Variants in PALM2AKAP2 observed in about 807,000 individuals in gnomAD.
PALM2AKAP2 encodes the protein PALM2 and AKAP2 fusion, also known as PALM2-AKAP2 fusion protein.
PALM2AKAP2 carries 37 observed loss-of-function variants against 71.5 expected under a neutral mutation model. The observed-to-expected ratio is 0.52, with a 90% CI of 0.40 to 0.68. PALM2AKAP2 has a LOEUF of 0.68. PALM2AKAP2 is among the 30% of genes least tolerant of loss of function. The pLI is 0.00. For synonymous variants in PALM2AKAP2, 468 were observed against 478.8 expected (o/e 0.98, Z 0.29); for missense variants, 1,224 against 1,191.8 (o/e 1.03, Z -0.40).
intron 1 of PALM2AKAP2, among the ~76,000 whole-genome samples, chr9:109,789,824 T>A (rs1827063694): frequency 6.6e-6 from 1 of 152,190 alleles, no homozygotes; most frequent in South Asian, 2.1e-4. Context: ...TGCCCTTGGT[T>A]AATTATTATC....
rs139332663 is a variant in PALM2AKAP2 at position 109,767,064 on chromosome 9, G to A, written c.6-13424G>A. On this transcript the variant is annotated intron_variant, in intron 1 of 6. Coordinates refer to the PALM2AKAP2 transcript ENST00000374531. The stretch of plus-strand genomic sequence containing the variant: ...CCCTCAAAACACCGATATGAGTTAG[G>A]CACTATTAATTTCATTTTCTGATTG... 3.0e-4 allele frequency among the ~76,000 whole-genome samples: 46 copies of A among 152,310 alleles called. 1 individual carries two copies. The East Asian group carries it at 8.1e-3, about 27-fold the overall frequency.
intron 1 of PALM2AKAP2, among the ~76,000 whole-genome samples, chr9:109,768,484 A>C (rs907609148): frequency 1.3e-5 from 2 of 152,230 alleles, no homozygotes; most frequent in African/African-American, 4.8e-5. Context: ...CCAGCACCTC[A>C]AGCTTTTATG....
intron 3 of PALM2AKAP2, among the ~76,000 whole-genome samples, chr9:109,886,379 C>G (rs1829967452): frequency 6.6e-6 from 1 of 152,330 alleles, no homozygotes; most frequent in Non-Finnish European, 1.5e-5. Flanking sequence ...TACCTTGTCA[C>G]TTTCCCACTT....
chr9:109,693,474 T>C (rs1156262909), intron 1 of PALM2AKAP2, among the ~76,000 whole-genome samples: 3 of 151,964 alleles, frequency 2.0e-5, no homozygotes, highest in African/African-American at 7.2e-5. Context: ...TCTTTATTAC[T>C]TCCTTTCTTC....
intron 3 of PALM2AKAP2, among the ~76,000 whole-genome samples, chr9:109,885,228 G>A (rs1336302442): frequency 6.6e-6 from 1 of 152,186 alleles, no homozygotes; most frequent in Non-Finnish European, 1.5e-5. Flanking sequence ...GTTTGGAAGG[G>A]CGAATGTTGT....
chr9:109,805,590 G>A (rs187390782), intron 1 of PALM2AKAP2, among the ~76,000 whole-genome samples: 3 of 152,228 alleles, frequency 2.0e-5, no homozygotes, highest in East Asian at 1.9e-4. Flanking sequence ...TATCAGTTTC[G>A]GGGAGGCAGC....
rs145204423 is a variant in PALM2AKAP2 at position 109,688,481 on chromosome 9, G to A, written c.5+47615G>A. 1.2e-3 allele frequency among the ~76,000 whole-genome samples: 179 copies of A among 152,298 alleles called. 1 individual carries two copies. The highest frequency in any genetic ancestry group is 4.0e-3 in the African/African-American group (168 of 41,568). ...TATTGTCAAGGACTTTAGTGCAAGG[G>A]CCAGCACTGCAGCCTGATCCCTCAG... On this transcript the variant is annotated intron_variant, in intron 1 of 6. Transcript: ENST00000374531.
At chr9:110,141,173 G>A (rs1836018863) in intron 2 of PALM2AKAP2, among the ~76,000 whole-genome samples, 2 of 152,146 alleles carry the variant, frequency 1.3e-5, no homozygotes, top group African/African-American at 4.8e-5. Context: ...GACCGAGGTT[G>A]CCTTAAACAA....
At chr9:110,161,867 A>C (rs953119883) in intron 3 of PALM2AKAP2, among the ~76,000 whole-genome samples, 1 of 152,020 alleles carries the variant, frequency 6.6e-6, no homozygotes, top group Non-Finnish European at 1.5e-5. Context: ...AGTACGGCTT[A>C]TCTGATATTT....
intron 1 of PALM2AKAP2, among the ~76,000 whole-genome samples, chr9:110,119,357 A>G (rs1048437647): frequency 6.7e-6 from 1 of 148,946 alleles, no homozygotes; most frequent in Non-Finnish European, 1.5e-5. Flanking sequence ...AAAAAAAAAA[A>G]AAAGAAAAGA....
At chr9:109,687,597 G>T (rs936930564) in intron 1 of PALM2AKAP2, among the ~76,000 whole-genome samples, 1 of 152,146 alleles carries the variant, frequency 6.6e-6, no homozygotes, top group Non-Finnish European at 1.5e-5. Flanking sequence ...TCTGGATTAG[G>T]CTTTGGCTAA....
intron 6 of PALM2AKAP2, among the ~76,000 whole-genome samples, chr9:109,959,073 A>G (rs1317824960): frequency 6.6e-6 from 1 of 152,200 alleles, no homozygotes; most frequent in Non-Finnish European, 1.5e-5. Context: ...AGAATACTGC[A>G]GACACGTGCC....
intron 6 of PALM2AKAP2, among the ~76,000 whole-genome samples, chr9:109,933,914 G>A (rs187245668): frequency 3.3e-5 from 5 of 152,302 alleles, no homozygotes; most frequent in Admixed American, 2.0e-4. Flanking sequence ...CAGAGCATGT[G>A]TGGCTTACCA....
intron 6 of PALM2AKAP2, among the ~76,000 whole-genome samples, chr9:109,954,142 G>A (rs888860410): frequency 2.6e-5 from 4 of 152,036 alleles, no homozygotes; most frequent in African/African-American, 9.7e-5. Flanking sequence ...TCATAAAAAG[G>A]ATTAACAAAA....
chr9:109,841,515 T>TAA (rs369447070), intron 1 of PALM2AKAP2, among the ~76,000 whole-genome samples: 2,941 of 18,656 alleles, frequency 0.16, 297 homozygotes, highest in East Asian at 0.38. Context: ...TAAAGTATAA[T>TAA]AAAAAAAAAA....
At chr9:109,805,584 A>T (rs1327782) in intron 1 of PALM2AKAP2, among the ~76,000 whole-genome samples, 26,951 of 152,150 alleles carry the variant, frequency 0.18, 2,792 homozygotes, top group East Asian at 0.35. Flanking sequence ...TGTGGCTATC[A>T]GTTTCGGGGA....
chr9:110,045,994 G>A (rs945586713), upstream of PALM2AKAP2, among the ~76,000 whole-genome samples: 7 of 152,138 alleles, frequency 4.6e-5, no homozygotes, highest in East Asian at 3.8e-4. Flanking sequence ...TTGGTGGGGC[G>A]CTGTCCTGTA....
intron 7 of PALM2AKAP2, among the ~76,000 whole-genome samples, chr9:110,017,429 T>C (rs1319086216): frequency 6.6e-6 from 1 of 152,222 alleles, no homozygotes; most frequent in African/African-American, 2.4e-5. Context: ...GCAGAATTTG[T>C]AAGACAATAA....
chr9:110,001,045 C>G (rs375970649), intron 6 of PALM2AKAP2, among the ~76,000 whole-genome samples: 4 of 152,118 alleles, frequency 2.6e-5, no homozygotes, highest in African/African-American at 9.7e-5. Flanking sequence ...ATTTTGGCTT[C>G]TGTTGCCATT....
Sources: allele counts gnomAD v4.1 joint callset (sites outside exome capture counted in the v4.1 genomes callset), GRCh38; gene constraint gnomAD v4.1.1; transcripts MANE v1.5; gene names NCBI Gene and HGNC (gene_info 2026-07-23, HGNC 2026-07-21).